The following LARP4 variants were observed in gnomAD, a reference collection of about 807,000 sequenced individuals.
LARP4 encodes La ribonucleoprotein 4, also known as la-related protein 4.
A neutral mutation model predicts 92.9 loss-of-function variants in LARP4; 29 were observed. The observed-to-expected ratio is 0.31, with a 90% CI of 0.23 to 0.43. The LOEUF is 0.43. LARP4 is among the 20% of genes least tolerant of loss of function. The pLI is 1.00. For synonymous variants in LARP4, 279 were observed against 284.1 expected, an observed-to-expected ratio of 0.98 and a Z score of 0.18; for missense variants, 732 against 860.0, an observed-to-expected ratio of 0.85 and a Z score of 1.86.
chr12:50,438,936 GTTATT>G (rs1187706407), intron 6 of LARP4, among the ~76,000 whole-genome samples: 1 of 152,152 alleles, frequency 6.6e-6, no homozygotes, highest in Non-Finnish European at 1.5e-5. Context: ...AGAACAGAGT[GTTATT>G]TTGTTTTATT....
At chr12:50,411,187 CT>C (rs11441189) in intron 1 of LARP4, among the ~76,000 whole-genome samples, 548 of 138,804 alleles carry the variant, frequency 3.9e-3, no homozygotes, top group Middle Eastern at 7.4e-3. Context: ...CTAGTTGATT[CT>C]TTTTTTTTTT....
At chr12:50,411,489 G>A (rs1057269380) in intron 1 of LARP4, among the ~76,000 whole-genome samples, 2 of 151,088 alleles carry the variant, frequency 1.3e-5, no homozygotes, top group South Asian at 2.1e-4. Flanking sequence ...GATTACAGAC[G>A]TGCACCACCA....
intron 10 of LARP4, among the ~76,000 whole-genome samples, chr12:50,456,995 C>T (rs145725596): frequency 2.6e-5 from 4 of 152,268 alleles, no homozygotes; most frequent in East Asian, 1.9e-4. Flanking sequence ...TTACTGCAAC[C>T]TCTGCTTCCC....
intron 1 of LARP4, among the ~76,000 whole-genome samples, chr12:50,419,425 G>A (rs1434372060): frequency 6.6e-6 from 1 of 152,056 alleles, no homozygotes; most frequent in Non-Finnish European, 1.5e-5. Flanking sequence ...TTTTAGCCTT[G>A]GCTCTGGGTT....
chr12:50,458,971 G>A (rs970122215), intron 10 of LARP4, among the ~76,000 whole-genome samples: 6 of 152,128 alleles, frequency 3.9e-5, no homozygotes, highest in African/African-American at 1.4e-4. Context: ...CTCATTTGGT[G>A]ATGGATGTTT....
intron 1 of LARP4, among the ~76,000 whole-genome samples, chr12:50,412,880 A>T (rs1429562490): frequency 2.6e-5 from 4 of 152,116 alleles, no homozygotes; most frequent in Non-Finnish European, 5.9e-5. Context: ...AATCCTGTGG[A>T]AGTGATCAAG....
At chr12:50,425,985 A>G (rs1391160341) in intron 1 of LARP4, among the ~76,000 whole-genome samples, 1 of 151,992 alleles carries the variant, frequency 6.6e-6, no homozygotes, top group African/African-American at 2.4e-5. Context: ...TACCCACCCT[A>G]GTTTGCCCTT....
chr12:50,407,431 A>AT (rs1481829782), intron 1 of LARP4, among the ~76,000 whole-genome samples: 5 of 152,216 alleles, frequency 3.3e-5, no homozygotes, highest in African/African-American at 1.2e-4. Flanking sequence ...AAGTCAAACA[A>AT]TTTATAATTA....
At chr12:50,460,563 A>G (rs751393596) in intron 10 of LARP4, among the ~76,000 whole-genome samples, 10 of 151,982 alleles carry the variant, frequency 6.6e-5, no homozygotes, top group African/African-American at 9.7e-5. Flanking sequence ...ATCTCAAACA[A>G]TCCTCCTGCC....
At chr12:50,431,769 C>T (rs550667770) in intron 4 of LARP4, among the ~76,000 whole-genome samples, 63 of 152,210 alleles carry the variant, frequency 4.1e-4, no homozygotes, top group African/African-American at 1.4e-3. Context: ...TCACTTGAAC[C>T]GGGGAGGTAG....
At chr12:50,401,343 G>A (rs1416014606) in intron 1 of LARP4, 9 of 357,670 alleles carry the variant, frequency 2.5e-5, no homozygotes, top group African/African-American at 6.3e-5. Context: ...CAGCATTGGG[G>A]GGTTGGGGGG....
chr12:50,462,903 GA>G (rs1484480455), intron 12 of LARP4, among the ~76,000 whole-genome samples: 1 of 152,010 alleles, frequency 6.6e-6, no homozygotes, highest in Non-Finnish European at 1.5e-5. Flanking sequence ...ATAAAAACAC[GA>G]AGTCTTTCTA....
chr12:50,471,271 T>C (rs893346966), intron 13 of LARP4, among the ~76,000 whole-genome samples: 1 of 152,202 alleles, frequency 6.6e-6, no homozygotes, highest in Non-Finnish European at 1.5e-5. Context: ...GGGGTGCCTG[T>C]TTTTGGAAAG....
rs1009554363 is a variant in LARP4 at position 50,462,442 on chromosome 12, C to CA, written c.1335-139dup. 2.2e-5 allele frequency: 13 copies of CA among 603,744 alleles called. No individual in the cohort carries two copies. In the African/African-American group the frequency reaches 2.6e-4, roughly 12 times the overall value. 37.4% of individuals were successfully genotyped at this position (603,744 alleles called of 1,614,324 possible). ...GTAGTGAGCCGAGATCGCGCCACTGCACTCCAGCCTGGCGACAGAGCGAGA... is the reference window on the plus strand; with the variant it reads ...GTAGTGAGCCGAGATCGCGCCACTGCAACTCCAGCCTGGCGACAGAGCGAGA... On this transcript the variant is annotated intron_variant, in intron 11 of 15. Transcript: ENST00000398473.
At position 50,427,916 on chromosome 12, in the gene LARP4, C is replaced by G. The variant is rs910703735; in HGVS notation, c.166+7C>G. The G allele has an allele frequency of 6.5e-7, 1 of 1,544,966 alleles. No homozygotes were observed. Among genetic ancestry groups the G allele is most frequent in the South Asian group, 1.2e-5 (1 of 82,414 alleles). On this transcript the variant is annotated splice_region_variant and intron_variant, in intron 2 of 15. Coordinates refer to ENST00000398473, the MANE Select transcript of LARP4 (RefSeq NM_052879.5). ...TCAGGTGCTCATCCTGAGGGTAAGT[C>G]TTAAATATTTGGTCATAAAAATCAC...
At chr12:50,471,267 C>T (rs1365429806) in intron 13 of LARP4, among the ~76,000 whole-genome samples, 2 of 152,068 alleles carry the variant, frequency 1.3e-5, no homozygotes, top group African/African-American at 4.8e-5. Context: ...AAACGGGGTG[C>T]CTGTTTTTGG....
At chr12:50,439,973 G>C (rs1302624114) in intron 6 of LARP4, among the ~76,000 whole-genome samples, 1 of 152,154 alleles carries the variant, frequency 6.6e-6, no homozygotes, top group Non-Finnish European at 1.5e-5. Flanking sequence ...ATGAGAATGC[G>C]TGAAAATTTG....
At chr12:50,413,307 A>G (rs1946234147) in intron 1 of LARP4, among the ~76,000 whole-genome samples, 1 of 152,126 alleles carries the variant, frequency 6.6e-6, no homozygotes, top group Non-Finnish European at 1.5e-5. Context: ...GCTGCCAGCC[A>G]TCAGTTAACT....
chr12:50,447,789 T>C (rs1300367325), intron 8 of LARP4, among the ~76,000 whole-genome samples: 2 of 152,070 alleles, frequency 1.3e-5, no homozygotes, highest in East Asian at 3.9e-4. Flanking sequence ...ACTCAAGTGA[T>C]CTTCCCACGT....
Sources: gnomAD v4.1 joint callset for allele counts (sites outside exome capture counted in the v4.1 genomes callset) on GRCh38, gnomAD v4.1.1 for gene constraint, MANE v1.5 for transcripts, NCBI Gene and HGNC (gene_info 2026-07-23, HGNC 2026-07-21) for gene names.